Variants in LPIN1 observed in about 807,000 individuals in gnomAD.
LPIN1 encodes the protein phosphatidate phosphatase LPIN1.
LPIN1 carries 71 observed loss-of-function variants against 107.5 expected under a neutral mutation model. That is an observed-to-expected ratio of 0.66 (90% CI 0.55 to 0.80). The LOEUF (loss-of-function observed/expected upper bound fraction) is 0.80, where lower values mean the gene tolerates loss of function less well. Among genes scored for constraint, LPIN1 ranks in the 30% least tolerant of loss-of-function variants. The probability of loss-of-function intolerance (pLI) is 0.00; values close to 1 mark genes in which losing one functional copy is unlikely to be tolerated. For missense variants in LPIN1, 1,043 were observed against 1,160.6 expected (o/e 0.90, Z 1.47); for synonymous variants, 445 against 452.6 (o/e 0.98, Z 0.21).
intron 1 of LPIN1, among the ~76,000 whole-genome samples, chr2:11,710,715 T>G (rs1030136939): frequency 6.6e-6 from 1 of 152,208 alleles, no homozygotes; most frequent in African/African-American, 2.4e-5. Context: ...GAAAGGTAAT[T>G]TCTTGCCAAA....
intron 19 of LPIN1, 22 bp from the exon 20 acceptor site, chr2:11,820,389 A>T: frequency 1.4e-6 from 2 of 1,475,354 alleles, no homozygotes; most frequent in Non-Finnish European, 1.9e-6. Flanking sequence ...TGAACACTTT[A>T]AATCACCTTT....
chr2:11,715,001 T>C (rs1434479652), intron 2 of LPIN1, among the ~76,000 whole-genome samples: 1 of 152,196 alleles, frequency 6.6e-6, no homozygotes, highest in African/African-American at 2.4e-5. Flanking sequence ...AGCAGAAGTT[T>C]TATTTCCAAG....
intron 13 of LPIN1, among the ~76,000 whole-genome samples, chr2:11,794,263 A>G (rs1676285436): frequency 6.6e-6 from 1 of 152,218 alleles, no homozygotes; most frequent in Non-Finnish European, 1.5e-5. Context: ...AGATGGAAGT[A>G]TATTTCAGTG....
chr2:11,731,756 G>T (rs1213755730), intron 1 of LPIN1, among the ~76,000 whole-genome samples: 1 of 151,604 alleles, frequency 6.6e-6, no homozygotes, highest in Non-Finnish European at 1.5e-5. Flanking sequence ...TTTAATAATT[G>T]CCTTTCCAAC....
chr2:11,681,399 A>G (rs1223435753), intron 1 of LPIN1: 2 of 152,548 alleles, frequency 1.3e-5, no homozygotes, highest in Admixed American at 6.5e-5. Flanking sequence ...CTGGTTGGTT[A>G]AAAGTATGTA....
rs746912347 is a variant in LPIN1, at chr2:11,779,290, CG to C, written c.831-227del. On this transcript the variant is annotated intron_variant, in intron 6 of 20. Transcript: ENST00000674199. ...CCACTTCTTTTTCTCCTCTCCCCCG[CG>C]GTGCACCAGGCGGCAGGGTGGGGCG... Among the ~76,000 whole-genome samples, 3 of 152,190 alleles carry C rather than the reference CG, an allele frequency of 2.0e-5. No homozygotes were observed. The East Asian group carries it at 5.8e-4, about 29-fold the overall frequency.
intron 1 of LPIN1, among the ~76,000 whole-genome samples, chr2:11,731,439 G>A (rs1665219516): frequency 6.6e-6 from 1 of 152,206 alleles, no homozygotes; most frequent in Admixed American, 6.5e-5. Context: ...ATTCCATGGT[G>A]TATATGTGCC....
intron 1 of LPIN1, among the ~76,000 whole-genome samples, chr2:11,732,231 C>T (rs919064700): frequency 2.6e-5 from 4 of 152,162 alleles, no homozygotes; most frequent in South Asian, 2.1e-4. Flanking sequence ...AGGTGGTGGT[C>T]GTGTGTATCA....
intron 19 of LPIN1, among the ~76,000 whole-genome samples, chr2:11,819,926 G>T (rs775936625): frequency 6.6e-6 from 1 of 152,212 alleles, no homozygotes; most frequent in Non-Finnish European, 1.5e-5. Flanking sequence ...CGCAAAATCA[G>T]TCCTAACCAT....
Position 11,805,100 on chromosome 2 carries a change from C to G in LPIN1, c.2193C>G (p.Thr731=). Residue 731 remains threonine, a synonymous_variant, in exon 17 of 21, where the codon ACC becomes ACG. Coordinates refer to ENST00000674199, the MANE Select transcript of LPIN1 (RefSeq NM_001349206.2). ...RSDTLGHILP[T]LGKDWTHQGI... is the part of the protein sequence containing the mutation. ...ATACTCTTGGCCACATTTTGCCCAC[C>G]CTTGGGAAGGATTGGACCCATCAGG... 15 of 1,613,720 alleles carry G rather than the reference C, an allele frequency of 9.3e-6. No individual in the cohort carries two copies. Among genetic ancestry groups the G allele is most frequent in the Non-Finnish European group, 1.3e-5 (15 of 1,179,792 alleles).
chr2:11,704,916 G>A (rs1663051162), intron 1 of LPIN1, among the ~76,000 whole-genome samples: 1 of 152,232 alleles, frequency 6.6e-6, no homozygotes, highest in Admixed American at 6.5e-5. Context: ...TCAATGGCGA[G>A]GCCTGGAGGA....
intron 13 of LPIN1, among the ~76,000 whole-genome samples, chr2:11,794,137 A>G (rs952958238): frequency 1.3e-5 from 2 of 152,238 alleles, no homozygotes; most frequent in African/African-American, 4.8e-5. Flanking sequence ...CAGTTTTACT[A>G]ATCTCCAAAG....
intron 9 of LPIN1, chr2:11,784,201 G>A (rs1326992332): frequency 3.7e-6 from 3 of 801,302 alleles, no homozygotes; most frequent in Non-Finnish European, 5.2e-6. Context: ...CTACTCGGGA[G>A]GCTGAGGCAG....
At chr2:11,714,872 C>T (rs971514875) in intron 2 of LPIN1, among the ~76,000 whole-genome samples, 6 of 152,204 alleles carry the variant, frequency 3.9e-5, no homozygotes, top group African/African-American at 1.4e-4. Flanking sequence ...CAGAGGACAC[C>T]TGAGGCTCAG....
At chr2:11,702,006 C>T (rs1057100975) in intron 1 of LPIN1, among the ~76,000 whole-genome samples, 22 of 152,242 alleles carry the variant, frequency 1.4e-4, no homozygotes, top group South Asian at 4.1e-4. Context: ...TTGTGGCTGT[C>T]GGATGCCAAG....
chr2:11,723,705 T>C (rs1664333538), upstream of LPIN1: 1 of 152,140 alleles, frequency 6.6e-6, no homozygotes, highest in African/African-American at 2.4e-5. Flanking sequence ...TCCTTGCTGT[T>C]CCGTGAAAAG....
In LPIN1 at chr2:11,686,317, C is replaced by T. The variant is rs376705189; in HGVS notation, c.81+8589C>T. On this transcript the variant is annotated intron_variant, in intron 1 of 21. Transcript: ENST00000449576. The stretch of plus-strand genomic sequence containing the variant: ...CCTGGGCTGTCCCTTTGAGAAAGCC[C>T]TGCCCAGCGTGGGTGGGATGTGCCT... Among the ~76,000 whole-genome samples the T allele has an allele frequency of 5.8e-4, 88 of 152,242 alleles. 1 individual carries two copies. The highest frequency in any genetic ancestry group is 2.0e-3 in the African/African-American group (83 of 41,548).
chr2:11,777,752 A>G (rs966750145), intron 6 of LPIN1, among the ~76,000 whole-genome samples: 1 of 152,210 alleles, frequency 6.6e-6, no homozygotes, highest in Non-Finnish European at 1.5e-5. Flanking sequence ...TGTCTAAAGG[A>G]CTTTATTTCA....
chr2:11,795,916 T>C (rs1006752716), intron 14 of LPIN1, among the ~76,000 whole-genome samples: 3 of 152,226 alleles, frequency 2.0e-5, no homozygotes, highest in East Asian at 1.9e-4. Flanking sequence ...AGGACTTACG[T>C]TGATACTTTT....
Sources: allele counts gnomAD v4.1 joint callset (sites outside exome capture counted in the v4.1 genomes callset), GRCh38; gene constraint gnomAD v4.1.1; transcripts MANE v1.5; gene names NCBI Gene and HGNC (gene_info 2026-07-23, HGNC 2026-07-21).